C4BPA: variants seen among roughly 807,000 people sequenced by gnomAD.
The protein encoded by C4BPA is complement component 4 binding protein alpha.
A neutral mutation model predicts 63.7 loss-of-function variants in C4BPA; 31 were observed. That is an observed-to-expected ratio of 0.49 (90% CI 0.37 to 0.66). The LOEUF is 0.66. C4BPA is among the 30% of genes least tolerant of loss of function. The pLI, the probability that C4BPA is intolerant of heterozygous loss-of-function variation, is 0.00. For missense variants in C4BPA, 572 were observed against 723.3 expected, an observed-to-expected ratio of 0.79 and a Z score of 2.40; for synonymous variants, 259 against 254.7, an observed-to-expected ratio of 1.02 and a Z score of -0.16.
intron 6 of C4BPA, among the ~76,000 whole-genome samples, chr1:207,124,978 T>C (rs954715844): frequency 1.3e-5 from 2 of 152,170 alleles, no homozygotes; most frequent in East Asian, 3.8e-4. Context: ...CATATGCCTG[T>C]AGGGCAAGCA....
chr1:207,132,449 G>C (rs58222271), intron 8 of C4BPA, among the ~76,000 whole-genome samples: 9,529 of 152,188 alleles, frequency 0.063, 674 homozygotes, highest in African/African-American at 0.17. Context: ...AAGACACTGA[G>C]GCCAAGAATA....
chr1:207,134,137 C>A (rs1685227855), intron 8 of C4BPA, among the ~76,000 whole-genome samples: 1 of 152,244 alleles, frequency 6.6e-6, no homozygotes, highest in South Asian at 2.1e-4. Context: ...CATGAGCTAC[C>A]ACACCTGGCT....
At chr1:207,126,120 G>A (rs1685037077) in intron 6 of C4BPA, among the ~76,000 whole-genome samples, 2 of 151,958 alleles carry the variant, frequency 1.3e-5, no homozygotes, top group African/African-American at 2.4e-5. Flanking sequence ...GCTGGGTTAT[G>A]TATGACTGAT....
At chr1:207,125,319 A>G (rs1685015058) in intron 6 of C4BPA, among the ~76,000 whole-genome samples, 1 of 152,248 alleles carries the variant, frequency 6.6e-6, no homozygotes, top group Non-Finnish European at 1.5e-5. Flanking sequence ...GAAAGGCTTT[A>G]ACAAGGGGAA....
chr1:207,144,799 G>A lies in C4BPA; in HGVS notation c.*82G>A. 1 of 824,106 alleles carries A rather than the reference G, an allele frequency of 1.2e-6. No homozygotes were observed. The highest frequency in any genetic ancestry group is 1.8e-6 in the Non-Finnish European group (1 of 567,374). The allele number at this position is 824,106 out of a possible 1,614,324, so 51.0% of individuals were successfully genotyped here. On this transcript the variant is annotated 3_prime_UTR_variant, in exon 12 of 12. Coordinates refer to ENST00000367070, the MANE Select transcript of C4BPA (RefSeq NM_000715.4). ...TACAGATCAGTTTAGCAAATCTACT[G>A]TCAATTTGGCAGTGATATTCATCAT... is the stretch of plus-strand genomic sequence containing the variant.
At chr1:207,108,630 A>G (rs1572772657) in intron 1 of C4BPA, among the ~76,000 whole-genome samples, 3 of 152,374 alleles carry the variant, frequency 2.0e-5, no homozygotes, top group Non-Finnish European at 4.4e-5. Context: ...ATAAGACAGA[A>G]TAAAATAATT....
At position 207,144,936 on chromosome 1, in the gene C4BPA, AT is replaced by A. The variant is rs1437506501; in HGVS notation, c.*227del. ...TTGCTTTTCAACACACAAAGCACAA[AT>A]TTTTTTTCGATTAAAAATGTATGTA... is the stretch of plus-strand genomic sequence containing the variant. On this transcript the variant is annotated 3_prime_UTR_variant, in exon 12 of 12. Transcript: ENST00000367070. 6.8e-5 allele frequency: 20 copies of A among 295,926 alleles called. No individual in the cohort carries two copies. Among genetic ancestry groups the A allele is most frequent in the Non-Finnish European group, 1.1e-4 (18 of 162,216 alleles). 18.3% of individuals were successfully genotyped at this position (295,926 alleles called of 1,614,324 possible). A position where few individuals can be genotyped will look rare whatever the true frequency, so the allele number is the denominator to read the frequency against.
intron 4 of C4BPA, among the ~76,000 whole-genome samples, chr1:207,118,196 C>T (rs1684846983): frequency 3.4e-5 from 5 of 147,402 alleles, no homozygotes; most frequent in African/African-American, 5.1e-5. Context: ...TATCTATCAT[C>T]TATCTATCTA....
Position 207,124,442 on chromosome 1 carries a change from T to G in C4BPA, c.706+76T>G, listed in dbSNP as rs1413564406. On this transcript the variant is annotated intron_variant, in intron 6 of 11. Transcript: ENST00000367070. ...AAAAGAGAAAGAAAGGTAAATTTAT[T>G]GGGGGGCAAATGGAAAATTCAAAGA... 4 of 1,149,354 alleles carry G rather than the reference T, an allele frequency of 3.5e-6. No homozygotes were observed. The African/African-American group carries it at 4.6e-5, about 13-fold the overall frequency. 71.2% of individuals were successfully genotyped at this position (1,149,354 alleles called of 1,614,324 possible).
At chr1:207,107,498 G>A (rs982886625) in intron 1 of C4BPA, among the ~76,000 whole-genome samples, 115 of 152,300 alleles carry the variant, frequency 7.6e-4, no homozygotes, top group African/African-American at 2.5e-3. Context: ...GCAGTGAGCT[G>A]TGATTGCACC....
chr1:207,132,406 T>C (rs553063386), intron 8 of C4BPA, among the ~76,000 whole-genome samples: 2 of 152,336 alleles, frequency 1.3e-5, no homozygotes, highest in Non-Finnish European at 2.9e-5. Context: ...CTTTCTTCTA[T>C]CCATCTATCA....
At chr1:207,112,971 A>T (rs2102330692) in intron 1 of C4BPA, 30 bp from the exon 2 acceptor site, 6 of 1,529,340 alleles carry the variant, frequency 3.9e-6, no homozygotes, top group East Asian at 2.4e-5. Flanking sequence ...GAATTCAATG[A>T]CTATTTATTA....
At chr1:207,142,805 A>G (rs17042124) in intron 10 of C4BPA, among the ~76,000 whole-genome samples, 10,337 of 152,180 alleles carry the variant, frequency 0.068, 758 homozygotes, top group African/African-American at 0.18. Context: ...GGGGTCACAT[A>G]CCTTCTTTTA....
At position 207,114,316 on chromosome 1, in the gene C4BPA, C is replaced by A. The variant is rs56180080; in HGVS notation, c.328+31C>A. 7,643 of 1,515,834 alleles carry A rather than the reference C, an allele frequency of 5.0e-3. 345 individuals carry two copies. In the African/African-American group the frequency reaches 0.094, roughly 19 times the overall value. 93.9% of individuals were successfully genotyped at this position (1,515,834 alleles called of 1,614,324 possible). A position where few individuals can be genotyped will look rare whatever the true frequency, so the allele number is the denominator to read the frequency against. ...TATCAACATTTATTTTTTTCCTTTG[C>A]TTTTCCTATCTTTGGAAAGTTGTCT... is the stretch of plus-strand genomic sequence containing the variant. On this transcript the variant is annotated intron_variant, in intron 3 of 11. Transcript: ENST00000367070.
chr1:207,127,895 TA>T (rs544868930), intron 7 of C4BPA, among the ~76,000 whole-genome samples: 286 of 152,146 alleles, frequency 1.9e-3, no homozygotes, highest in Middle Eastern at 3.4e-3. Context: ...CTCCCTGGGG[TA>T]AAAAAGTTAT....
At chr1:207,109,037 A>G (rs567672207) in intron 1 of C4BPA, among the ~76,000 whole-genome samples, 16 of 152,272 alleles carry the variant, frequency 1.1e-4, no homozygotes, top group Non-Finnish European at 1.9e-4. Context: ...TGATTCAGGT[A>G]TGATGATTAA....
chr1:207,109,155 C>T (rs559081748), intron 1 of C4BPA, among the ~76,000 whole-genome samples: 31 of 152,350 alleles, frequency 2.0e-4, no homozygotes, highest in African/African-American at 7.2e-4. Context: ...GTGCATGACA[C>T]ATTAGATCTC....
intron 9 of C4BPA, among the ~76,000 whole-genome samples, chr1:207,137,049 T>C (rs1052762577): frequency 6.6e-6 from 1 of 152,268 alleles, no homozygotes; most frequent in African/African-American, 2.4e-5. Flanking sequence ...TATTGTTCTT[T>C]GTTTACAAAG....
chr1:207,112,357 T>G (rs748912467), intron 1 of C4BPA, among the ~76,000 whole-genome samples: 11 of 151,570 alleles, frequency 7.3e-5, no homozygotes, highest in South Asian at 2.1e-4. Context: ...TTTGTTTTTT[T>G]TTTTTTTTTT....
Sources: gnomAD v4.1 joint callset for allele counts (sites outside exome capture counted in the v4.1 genomes callset) on GRCh38, gnomAD v4.1.1 for gene constraint, MANE v1.5 for transcripts, NCBI Gene and HGNC (gene_info 2026-07-23, HGNC 2026-07-21) for gene names.